Variants in FAR2 observed in about 807,000 individuals in gnomAD.
FAR2 encodes the protein epididymis secretory protein Li 81.
In FAR2, 19 loss-of-function variants were observed where a neutral mutation model predicts 56.0. The ratio of observed to expected loss-of-function variants is 0.34; its 90% confidence interval spans 0.24 to 0.50. The LOEUF (loss-of-function observed/expected upper bound fraction) is 0.50. Ranked by LOEUF, FAR2 falls within the 20% of genes least tolerant of loss-of-function variation. FAR2 has a pLI of 0.98. For synonymous variants in FAR2, 219 were observed against 218.8 expected, an observed-to-expected ratio of 1.00 and a Z score of -0.01; for missense variants, 508 against 642.2, an observed-to-expected ratio of 0.79 and a Z score of 2.26.
chr12:29,268,264 C>A (rs1451961531), intron 1 of FAR2, among the ~76,000 whole-genome samples: 2 of 152,258 alleles, frequency 1.3e-5, no homozygotes, highest in East Asian at 1.9e-4. Flanking sequence ...ACCCTGTCCA[C>A]ATAGGCAGTT....
At chr12:29,294,563 T>C (rs1949026040) in intron 3 of FAR2, among the ~76,000 whole-genome samples, 1 of 152,216 alleles carries the variant, frequency 6.6e-6, no homozygotes, top group Non-Finnish European at 1.5e-5. Flanking sequence ...TTGGCCAGGC[T>C]GGTCTCAAAC....
intron 1 of FAR2, among the ~76,000 whole-genome samples, chr12:29,219,208 C>T (rs969794910): frequency 1.3e-5 from 2 of 151,994 alleles, no homozygotes; most frequent in African/African-American, 4.8e-5. Flanking sequence ...ATTCTATACC[C>T]CAGATAGGTA....
At chr12:29,320,931 G>A (rs1949540796) in intron 9 of FAR2, among the ~76,000 whole-genome samples, 1 of 152,138 alleles carries the variant, frequency 6.6e-6, no homozygotes, top group African/African-American at 2.4e-5. Context: ...TTAAAACTGG[G>A]TTGGAATTTG....
intron 4 of FAR2, among the ~76,000 whole-genome samples, chr12:29,301,061 A>T (rs1949156055): frequency 6.6e-6 from 1 of 152,144 alleles, no homozygotes; most frequent in Non-Finnish European, 1.5e-5. Flanking sequence ...GTATGCTGAG[A>T]CTGTCAGGCC....
chr12:29,332,063 T>C (rs1395985527), intron 10 of FAR2: 2 of 156,898 alleles, frequency 1.3e-5, no homozygotes, highest in Admixed American at 1.3e-4. Flanking sequence ...TCACTCCTTT[T>C]TTCTTTCACT....
intron 2 of FAR2, among the ~76,000 whole-genome samples, chr12:29,275,431 G>T (rs889495188): frequency 1.3e-5 from 2 of 152,168 alleles, no homozygotes; most frequent in Non-Finnish European, 1.5e-5. Context: ...GGTCACTGGG[G>T]ATATGATGGC....
chr12:29,324,266 G>A (rs1269008954), intron 10 of FAR2, among the ~76,000 whole-genome samples: 3 of 152,142 alleles, frequency 2.0e-5, no homozygotes, highest in East Asian at 1.9e-4. Flanking sequence ...CCAAATCTAC[G>A]TCTGATTGGT....
intron 10 of FAR2, among the ~76,000 whole-genome samples, chr12:29,324,160 G>C (rs925623914): frequency 1.3e-5 from 2 of 151,970 alleles, no homozygotes; most frequent in African/African-American, 4.8e-5. Context: ...GATGGAAGAC[G>C]AAATGAATGA....
At chr12:29,179,348 T>G (rs1327296073) in intron 1 of FAR2, among the ~76,000 whole-genome samples, 2 of 151,938 alleles carry the variant, frequency 1.3e-5, no homozygotes, top group African/African-American at 4.9e-5. Context: ...AGCAGGCTTC[T>G]CCTGTGCCTG....
intron 1 of FAR2, among the ~76,000 whole-genome samples, chr12:29,227,244 A>C (rs769868912): frequency 2.0e-5 from 3 of 152,184 alleles, no homozygotes; most frequent in Non-Finnish European, 4.4e-5. Flanking sequence ...ATTTTATTTA[A>C]GGCATTTTGA....
Position 29,321,830 on chromosome 12 carries a change from T to A in FAR2, c.1163T>A (p.Val388Asp). Residue 388 changes from valine to aspartate, a missense_variant, in exon 10 of 12, where the codon GTT becomes GAT. Coordinates refer to ENST00000536681, the MANE Select transcript of FAR2 (RefSeq NM_001271783.2). ...CTCATGAATCGGCTTTTAAGAACTG[T>A]TTCCATGTTGGAGTATTTCATCAAC... ...TKLMNRLLRT[V>D]SMLEYFINRS... The A allele has an allele frequency of 6.2e-7, 1 of 1,613,820 alleles. No individual in the cohort carries two copies. The highest frequency in any genetic ancestry group is 8.5e-7 in the Non-Finnish European group (1 of 1,179,794).
chr12:29,161,618 C>A (rs1159995364), intron 1 of FAR2, among the ~76,000 whole-genome samples: 1 of 152,098 alleles, frequency 6.6e-6, no homozygotes, highest in Admixed American at 6.5e-5. Context: ...TTGAGAATGT[C>A]TTTTGTTAAA....
chr12:29,179,079 T>C (rs1228821741), intron 1 of FAR2, among the ~76,000 whole-genome samples: 5 of 152,184 alleles, frequency 3.3e-5, no homozygotes, highest in Non-Finnish European at 7.3e-5. Context: ...CCTCTACTTA[T>C]AAGGACACCA....
intron 1 of FAR2, among the ~76,000 whole-genome samples, chr12:29,149,973 C>G (rs1273848602): frequency 6.6e-6 from 1 of 152,200 alleles, no homozygotes; most frequent in Non-Finnish European, 1.5e-5. Context: ...CACGTCCCTA[C>G]CCTCCCACCT....
At chr12:29,249,108 A>G (rs1162214954) in intron 1 of FAR2, among the ~76,000 whole-genome samples, 1 of 152,224 alleles carries the variant, frequency 6.6e-6, no homozygotes, top group African/African-American at 2.4e-5. Context: ...AAGTAAAGAC[A>G]GGCATAGGAA....
intron 2 of FAR2, among the ~76,000 whole-genome samples, chr12:29,275,029 A>G (rs1176591730): frequency 6.8e-6 from 1 of 147,130 alleles, no homozygotes; most frequent in Admixed American, 6.7e-5. Flanking sequence ...TTGCTCCATG[A>G]GAAAGATCCA....
chr12:29,319,796 AT>A (rs1438525432), intron 9 of FAR2, among the ~76,000 whole-genome samples: 2 of 152,210 alleles, frequency 1.3e-5, no homozygotes, highest in Non-Finnish European at 2.9e-5. Context: ...ATAGTTTAAT[AT>A]GAGTGCTTAG....
At chr12:29,152,617 A>G (rs185486813) in intron 1 of FAR2, among the ~76,000 whole-genome samples, 50 of 152,360 alleles carry the variant, frequency 3.3e-4, no homozygotes, top group African/African-American at 1.2e-3. Flanking sequence ...TCTTCATGCA[A>G]TTACTCTGTG....
chr12:29,181,775 T>C (rs1443136010), intron 1 of FAR2, among the ~76,000 whole-genome samples: 2 of 152,370 alleles, frequency 1.3e-5, no homozygotes, highest in Non-Finnish European at 2.9e-5. Context: ...ATCTCAACAT[T>C]TCCCCCAATA....
Sources: gnomAD v4.1 joint callset for allele counts (sites outside exome capture counted in the v4.1 genomes callset) on GRCh38, gnomAD v4.1.1 for gene constraint, MANE v1.5 for transcripts, NCBI Gene and HGNC (gene_info 2026-07-23, HGNC 2026-07-21) for gene names.